The following LGR4 variants were observed in gnomAD, a reference collection of about 807,000 sequenced individuals.
LGR4 encodes the protein leucine rich repeat containing G protein-coupled receptor 4, also known as leucine-rich repeat-containing G protein-coupled receptor 4.
In LGR4, 44 loss-of-function variants were observed where a neutral mutation model predicts 84.8. The observed-to-expected ratio is 0.52, with a 90% CI of 0.41 to 0.67. LGR4 has a LOEUF of 0.67. Ranked by LOEUF, LGR4 falls within the 30% of genes least tolerant of loss-of-function variation. LGR4 has a pLI of 0.00. For synonymous variants in LGR4, 429 were observed against 434.3 expected (o/e 0.99, Z 0.15); for missense variants, 1,032 against 1,131.4 (o/e 0.91, Z 1.26).
intron 2 of LGR4, among the ~76,000 whole-genome samples, chr11:27,408,803 CACGGCG>C (rs1376444330): frequency 3.9e-5 from 6 of 152,122 alleles, no homozygotes; most frequent in African/African-American, 1.4e-4. Flanking sequence ...TAAAATTTCT[CACGGCG>C]ACATAGCATT....
chr11:27,470,904 A>G (rs1043513883), intron 1 of LGR4, among the ~76,000 whole-genome samples: 2 of 152,092 alleles, frequency 1.3e-5, no homozygotes, highest in African/African-American at 4.8e-5. Context: ...AAATACAGCA[A>G]TGCTCCTGCC....
chr11:27,427,281 T>C (rs553625447), intron 1 of LGR4, among the ~76,000 whole-genome samples: 3 of 152,302 alleles, frequency 2.0e-5, no homozygotes, highest in East Asian at 1.9e-4. Flanking sequence ...ACATTCCCTC[T>C]GATCTTAAGG....
At chr11:27,405,124 C>T (rs1863579526) in intron 2 of LGR4, among the ~76,000 whole-genome samples, 1 of 152,232 alleles carries the variant, frequency 6.6e-6, no homozygotes, top group African/African-American at 2.4e-5. Flanking sequence ...TGATGAGCTT[C>T]TTTACCCAAA....
chr11:27,426,403 T>A (rs1021063690), intron 1 of LGR4, among the ~76,000 whole-genome samples: 1 of 152,178 alleles, frequency 6.6e-6, no homozygotes, highest in African/African-American at 2.4e-5. Flanking sequence ...AAAACTAATT[T>A]TTCTTCCTCA....
chr11:27,393,938 TTGG>T (rs1441831849), intron 2 of LGR4, among the ~76,000 whole-genome samples: 453 of 4,262 alleles, frequency 0.11, 17 homozygotes, highest in Non-Finnish European at 0.19. Context: ...GCACTGAAGA[TTGG>T]GGGGGGGGGG....
At chr11:27,434,257 G>C (rs540854861) in intron 1 of LGR4, among the ~76,000 whole-genome samples, 16 of 152,342 alleles carry the variant, frequency 1.1e-4, no homozygotes, top group Non-Finnish European at 1.9e-4. Context: ...GAGAAGATGA[G>C]ATTGAGGAAG....
chr11:27,416,287 A>G (rs1373348131), intron 1 of LGR4, among the ~76,000 whole-genome samples: 1 of 152,192 alleles, frequency 6.6e-6, no homozygotes, highest in Non-Finnish European at 1.5e-5. Context: ...AGGTTTACAT[A>G]TGGACTTACT....
intron 1 of LGR4, among the ~76,000 whole-genome samples, chr11:27,425,225 A>G (rs1211388890): frequency 1.3e-5 from 2 of 152,040 alleles, no homozygotes; most frequent in African/African-American, 4.8e-5. Context: ...TAAAGAATGT[A>G]AGATTGGAGG....
Position 27,378,585 on chromosome 11 carries a change from A to C in LGR4, c.1043+112T>G, listed in dbSNP as rs1204748241. Reference sequence around the variant, plus strand: ...ATCTGCTCCTTTACAACAACTAAGAAGTAATTATACCTCAAAACCACCTTA... The same window carrying C: ...ATCTGCTCCTTTACAACAACTAAGACGTAATTATACCTCAAAACCACCTTA... On this transcript the variant is annotated intron_variant, in intron 11 of 17. Transcript: ENST00000379214. 4 of 754,420 alleles carry C rather than the reference A, an allele frequency of 5.3e-6. No individual in the cohort carries two copies. In the East Asian group the frequency reaches 1.0e-4, roughly 19 times the overall value. 46.7% of individuals were successfully genotyped at this position (754,420 alleles called of 1,614,324 possible). A position where few individuals can be genotyped will look rare whatever the true frequency, so the allele number is the denominator to read the frequency against.
intron 1 of LGR4, among the ~76,000 whole-genome samples, chr11:27,419,404 C>T (rs760560367): frequency 1.5e-4 from 22 of 151,678 alleles, no homozygotes; most frequent in Non-Finnish European, 2.8e-4. Flanking sequence ...TAAATAGCAG[C>T]TGACAATACC....
intron 1 of LGR4, among the ~76,000 whole-genome samples, chr11:27,414,088 T>C (rs922484169): frequency 1.3e-5 from 2 of 152,016 alleles, no homozygotes; most frequent in Non-Finnish European, 2.9e-5. Context: ...ATGGTAAGAC[T>C]ACATAGAAAA....
chr11:27,369,921 G>A (rs539004133), intron 17 of LGR4, among the ~76,000 whole-genome samples: 9 of 152,222 alleles, frequency 5.9e-5, no homozygotes, highest in South Asian at 2.1e-4. Flanking sequence ...ACTACACCTC[G>A]GTGATGTTAA....
intron 1 of LGR4, among the ~76,000 whole-genome samples, chr11:27,425,358 C>T (rs1864005040): frequency 6.8e-6 from 1 of 146,112 alleles, no homozygotes; most frequent in Non-Finnish European, 1.5e-5. Flanking sequence ...TTGAAACAGT[C>T]TCACTCTGTC....
rs139788349 is a variant in LGR4 at position 27,391,107 on chromosome 11, C to A, written c.388G>T (p.Ala130Ser). 2.3e-4 allele frequency: 365 copies of A among 1,605,984 alleles called. No homozygotes were observed. Among genetic ancestry groups the A allele is most frequent in the Non-Finnish European group, 3.0e-4 (355 of 1,174,950 alleles). ...VPSEAIRGLS[A>S]LQSLRLDANH... Reference sequence around the variant, plus strand: ...GAAGTTACTTACAAAGACTGCAAAGCACTCAGCCCTCGAATGGCTTCACTG... The same window carrying A: ...GAAGTTACTTACAAAGACTGCAAAGAACTCAGCCCTCGAATGGCTTCACTG... The change falls in exon 4 of 18, where the codon GCT becomes TCT. Residue 130 changes from alanine (A) to serine (S), a missense_variant. By Grantham distance (99) the Ala-to-Ser change is moderately conservative. Coordinates refer to ENST00000379214, the MANE Select transcript of LGR4 (RefSeq NM_018490.5).
chr11:27,415,748 G>C (rs1863803567), intron 1 of LGR4, among the ~76,000 whole-genome samples: 1 of 152,068 alleles, frequency 6.6e-6, no homozygotes, highest in African/African-American at 2.4e-5. Flanking sequence ...GGGCAGTGGT[G>C]AGCTACAAGA....
At chr11:27,392,197 C>T (rs778735650) in intron 3 of LGR4, among the ~76,000 whole-genome samples, 6 of 152,040 alleles carry the variant, frequency 3.9e-5, no homozygotes, top group Non-Finnish European at 7.4e-5. Flanking sequence ...ATTAGGCACC[C>T]AAAAAGCCTA....
chr11:27,442,871 G>A (rs973401351), intron 1 of LGR4, among the ~76,000 whole-genome samples: 2 of 152,178 alleles, frequency 1.3e-5, no homozygotes, highest in African/African-American at 2.4e-5. Flanking sequence ...AAGAAGCAGA[G>A]TTTGGTTTCA....
intron 13 of LGR4, among the ~76,000 whole-genome samples, chr11:27,375,681 T>C (rs1862964300): frequency 6.6e-6 from 1 of 152,196 alleles, no homozygotes; most frequent in African/African-American, 2.4e-5. Flanking sequence ...CCTGGCAGTG[T>C]TCAATTAAAC....
At chr11:27,401,919 T>A (rs1255752260) in intron 2 of LGR4, among the ~76,000 whole-genome samples, 3 of 152,144 alleles carry the variant, frequency 2.0e-5, no homozygotes, top group South Asian at 4.1e-4. Context: ...TGCAATACGC[T>A]GCTAAGTGGT....
Sources: allele counts gnomAD v4.1 joint callset (sites outside exome capture counted in the v4.1 genomes callset), GRCh38; gene constraint gnomAD v4.1.1; transcripts MANE v1.5; gene names NCBI Gene and HGNC (gene_info 2026-07-23, HGNC 2026-07-21).